The following ZNF626 variants were observed in gnomAD, a reference collection of about 807,000 sequenced individuals.
ZNF626 encodes zinc finger protein 626, also known as CTC-513N18.7.
In ZNF626, 4 loss-of-function variants were observed where a neutral mutation model predicts 11.7. The observed-to-expected ratio is 0.34, with a 90% CI of 0.17 to 0.78. The LOEUF (loss-of-function observed/expected upper bound fraction) is 0.78, where lower values mean the gene tolerates loss of function less well. Ranked by LOEUF, ZNF626 falls within the 30% of genes least tolerant of loss-of-function variation. The pLI is 0.57. For synonymous variants in ZNF626, 179 were observed against 198.6 expected (o/e 0.90, Z 0.83); for missense variants, 588 against 587.1 (o/e 1.00, Z -0.01).
intron 3 of ZNF626, among the ~76,000 whole-genome samples, chr19:20,635,221 T>C (rs936371778): frequency 1.3e-5 from 2 of 152,146 alleles, no homozygotes; most frequent in African/African-American, 4.8e-5. Flanking sequence ...TGCCACGAAA[T>C]TGGATGAATT....
Position 20,621,000 on chromosome 19 carries a change from A to G in ZNF626, c.*3290T>C, listed in dbSNP as rs561488975. The G allele has an allele frequency of 1.7e-3, 256 of 152,430 alleles. 1 individual carries two copies. Among genetic ancestry groups the G allele is most frequent in the Middle Eastern group, 3.4e-3 (1 of 296 alleles). The allele number at this position is 152,430 out of a possible 1,614,324, so 9.4% of individuals were successfully genotyped here. On this transcript the variant is annotated 3_prime_UTR_variant, in exon 4 of 4. Coordinates refer to ENST00000601440, the MANE Select transcript of ZNF626 (RefSeq NM_001076675.3). ...ACTACAGGCGCCCACCACCACGCCC[A>G]GCTAATTTATTTTTAGTAGAGACAG... is the stretch of plus-strand genomic sequence containing the variant.
At chr19:20,653,619 AC>A (rs1970171020) in intron 1 of ZNF626, among the ~76,000 whole-genome samples, 1 of 145,272 alleles carries the variant, frequency 6.9e-6, no homozygotes, top group African/African-American at 2.6e-5. Flanking sequence ...ACAGAGTGAG[AC>A]TCTGTCCCCT....
chr19:20,642,190 C>T (rs778279745), intron 3 of ZNF626, among the ~76,000 whole-genome samples: 3 of 152,138 alleles, frequency 2.0e-5, no homozygotes, highest in East Asian at 1.9e-4. Context: ...GTGATAGACA[C>T]GTGCAATTTA....
At chr19:20,646,463 T>C (rs1970080043) in intron 1 of ZNF626, 58 bp from the exon 2 acceptor site, 7 of 1,611,858 alleles carry the variant, frequency 4.3e-6, no homozygotes, top group Non-Finnish European at 5.9e-6. Flanking sequence ...ATTTTTAATT[T>C]GACTTAAGGT....
At chr19:20,638,462 T>A (rs1227539382) in intron 3 of ZNF626, among the ~76,000 whole-genome samples, 7 of 150,048 alleles carry the variant, frequency 4.7e-5, no homozygotes, top group African/African-American at 9.8e-5. Flanking sequence ...AATAAAATTA[T>A]ATAGAGAAAA....
intron 3 of ZNF626, among the ~76,000 whole-genome samples, chr19:20,641,430 A>G (rs1394682243): frequency 4.6e-5 from 7 of 152,172 alleles, no homozygotes; most frequent in Non-Finnish European, 8.8e-5. Flanking sequence ...AGTAGTCAAA[A>G]TCATAAAAAT....
At chr19:20,639,887 C>T (rs937041030) in intron 3 of ZNF626, among the ~76,000 whole-genome samples, 3 of 152,060 alleles carry the variant, frequency 2.0e-5, no homozygotes, top group Non-Finnish European at 4.4e-5. Context: ...TATTCTTGCT[C>T]AGGGGTCAAA....
At chr19:20,646,173 G>A (rs1392523685) in intron 2 of ZNF626, 106 bp downstream of exon 2, 3 of 1,268,476 alleles carry the variant, frequency 2.4e-6, no homozygotes, top group Non-Finnish European at 3.1e-6. Context: ...CTGGAAAATG[G>A]GGATCTGAAA....
intron 3 of ZNF626, among the ~76,000 whole-genome samples, chr19:20,637,970 T>G (rs1274082733): frequency 1.3e-5 from 2 of 151,458 alleles, no homozygotes; most frequent in Non-Finnish European, 2.9e-5. Context: ...CAAAACTCTG[T>G]CTCTACAAAA....
At chr19:20,628,608 G>A (rs1051935749) in intron 3 of ZNF626, among the ~76,000 whole-genome samples, 14 of 152,002 alleles carry the variant, frequency 9.2e-5, no homozygotes, top group South Asian at 2.1e-4. Context: ...CATATCCTTC[G>A]CCCATCAAAA....
Position 20,620,364 on chromosome 19 carries a change from AT to A in ZNF626, c.*3925del. The A allele has an allele frequency of 6.6e-6, 1 of 152,092 alleles. No homozygotes were observed. The highest frequency in any genetic ancestry group is 2.4e-5 in the African/African-American group (1 of 41,362). The allele number at this position is 152,092 out of a possible 1,614,324, so 9.4% of individuals were successfully genotyped here. On this transcript the variant is annotated 3_prime_UTR_variant, in exon 4 of 4. Coordinates refer to ENST00000601440, the MANE Select transcript of ZNF626 (RefSeq NM_001076675.3). ...CCAATAATTGCGTTTTCTTCTGAAAATATGTACAAATGCATATTTACCAAAC... is the reference window on the plus strand; with the variant it reads ...CCAATAATTGCGTTTTCTTCTGAAAAATGTACAAATGCATATTTACCAAAC...
intron 3 of ZNF626, among the ~76,000 whole-genome samples, chr19:20,628,074 C>G (rs1257780620): frequency 6.6e-6 from 1 of 152,114 alleles, no homozygotes; most frequent in African/African-American, 2.4e-5. Flanking sequence ...ATGATGGTTT[C>G]CAGTTTCATC....
At chr19:20,631,937 T>C (rs1969910607) in intron 3 of ZNF626, among the ~76,000 whole-genome samples, 2 of 151,990 alleles carry the variant, frequency 1.3e-5, no homozygotes, top group Admixed American at 1.3e-4. Flanking sequence ...CGGTTGCTCC[T>C]TTCCATGTTT....
chr19:20,630,462 T>C (rs1555770254), intron 3 of ZNF626, among the ~76,000 whole-genome samples: 1 of 152,252 alleles, frequency 6.6e-6, no homozygotes, highest in African/African-American at 2.4e-5. Flanking sequence ...TCAGCTCCTA[T>C]TATTGGTCTA....
At chr19:20,640,830 T>G (rs1970016691) in intron 3 of ZNF626, among the ~76,000 whole-genome samples, 1 of 152,020 alleles carries the variant, frequency 6.6e-6, no homozygotes, top group Non-Finnish European at 1.5e-5. Context: ...TAAATGTTTC[T>G]CATTTATAAA....
At chr19:20,644,690 C>T (rs542296592) in intron 3 of ZNF626, 6 of 152,010 alleles carry the variant, frequency 3.9e-5, no homozygotes, top group South Asian at 4.2e-4. Context: ...ATAAATAAAT[C>T]CATTGAAATT....
At chr19:20,660,172 A>G (rs1202598562) in intron 1 of ZNF626, among the ~76,000 whole-genome samples, 4 of 150,984 alleles carry the variant, frequency 2.6e-5, no homozygotes, top group African/African-American at 9.7e-5. Context: ...AGGTAGGAGA[A>G]TCGCTTGAAC....
Position 20,661,495 on chromosome 19 carries a change from C to T in ZNF626, c.-49G>A, listed in dbSNP as rs1555773695. ...TGTCTTAGCTGTGGATCTCCCAATA[C>T]CTGCAGGACACGGGGCCACACAGCC... is the stretch of plus-strand genomic sequence containing the variant. On this transcript the variant is annotated 5_prime_UTR_variant, in exon 1 of 4. Coordinates refer to ENST00000601440, the MANE Select transcript of ZNF626 (RefSeq NM_001076675.3). The T allele has an allele frequency of 6.2e-7, 1 of 1,610,134 alleles. No homozygotes were observed.
At chr19:20,643,201 C>A (rs1970042028) in intron 3 of ZNF626, among the ~76,000 whole-genome samples, 1 of 151,946 alleles carries the variant, frequency 6.6e-6, no homozygotes. Flanking sequence ...ACTGGAGTTT[C>A]TTTTTATGTT....
Sources: gnomAD v4.1 joint callset for allele counts (sites outside exome capture counted in the v4.1 genomes callset) on GRCh38, gnomAD v4.1.1 for gene constraint, MANE v1.5 for transcripts, NCBI Gene and HGNC (gene_info 2026-07-23, HGNC 2026-07-21) for gene names.